RSU1: variants seen among roughly 807,000 people sequenced by gnomAD.
RSU1 encodes the protein Ras suppressor protein 1.
A neutral mutation model predicts 31.1 loss-of-function variants in RSU1; 26 were observed. The observed-to-expected ratio is 0.84, with a 90% CI of 0.61 to 1.16. The LOEUF is 1.16. RSU1 is among the 50% of genes most tolerant of loss of function. The probability of loss-of-function intolerance (pLI) is 0.00; values close to 1 mark genes in which losing one functional copy is unlikely to be tolerated. For synonymous variants in RSU1, 164 were observed against 136.3 expected (o/e 1.20, Z -1.41); for missense variants, 320 against 339.1 (o/e 0.94, Z 0.44).
chr10:16,724,919 A>C (rs1395267483), intron 7 of RSU1, among the ~76,000 whole-genome samples: 1 of 152,256 alleles, frequency 6.6e-6, no homozygotes, highest in South Asian at 2.1e-4. Context: ...AAGAAGCCAG[A>C]AAGCATACTG....
chr10:16,653,222 C>A (rs1222316208), intron 8 of RSU1, among the ~76,000 whole-genome samples: 2 of 152,172 alleles, frequency 1.3e-5, no homozygotes, highest in Non-Finnish European at 2.9e-5. Flanking sequence ...TTTTAATAAA[C>A]AAGTTTCTGT....
chr10:16,701,810 C>T (rs989213285), intron 7 of RSU1, among the ~76,000 whole-genome samples: 1 of 152,010 alleles, frequency 6.6e-6, no homozygotes, highest in East Asian at 1.9e-4. Context: ...ATCTGTGGTC[C>T]AGGTTAAGAA....
At chr10:16,813,085 C>A (rs1240240298) in intron 2 of RSU1, among the ~76,000 whole-genome samples, 1 of 151,962 alleles carries the variant, frequency 6.6e-6, no homozygotes, top group Non-Finnish European at 1.5e-5. Flanking sequence ...AATCCTCCCA[C>A]CGCAGCCTCC....
At chr10:16,798,571 C>T (rs980301536) in intron 2 of RSU1, among the ~76,000 whole-genome samples, 28 of 152,260 alleles carry the variant, frequency 1.8e-4, no homozygotes, top group African/African-American at 4.3e-4. Flanking sequence ...CTTTCCCTTC[C>T]GCCATGATTG....
intron 7 of RSU1, among the ~76,000 whole-genome samples, chr10:16,738,621 A>C (rs1221141082): frequency 1.3e-5 from 2 of 152,276 alleles, no homozygotes; most frequent in East Asian, 3.9e-4. Flanking sequence ...AATCAATCAA[A>C]GGGGGGAAAA....
At chr10:16,655,088 G>A (rs1409504614) in intron 8 of RSU1, among the ~76,000 whole-genome samples, 1 of 143,236 alleles carries the variant, frequency 7.0e-6, no homozygotes, top group Non-Finnish European at 1.5e-5. Flanking sequence ...GAGAGAGAGA[G>A]AGAGAAATGC....
intron 8 of RSU1, among the ~76,000 whole-genome samples, chr10:16,678,396 C>G (rs577029798): frequency 3.3e-5 from 5 of 152,150 alleles, no homozygotes; most frequent in Non-Finnish European, 7.4e-5. Flanking sequence ...ATGCATTAAG[C>G]GAGAAACCTT....
chr10:16,687,170 G>C (rs909970065), intron 8 of RSU1, among the ~76,000 whole-genome samples: 1 of 152,124 alleles, frequency 6.6e-6, no homozygotes, highest in Admixed American at 6.5e-5. Flanking sequence ...AGTAGGACAC[G>C]TATACAATGG....
chr10:16,655,928 A>G (rs983627831), intron 8 of RSU1, among the ~76,000 whole-genome samples: 6 of 152,138 alleles, frequency 3.9e-5, no homozygotes, highest in Admixed American at 2.0e-4. Flanking sequence ...TGGAGCTGAG[A>G]TATCTTTGAG....
chr10:16,782,034 T>C lies in RSU1; in HGVS notation c.160A>G (p.Met54Val). Residue 54 changes from methionine to valine, a missense_variant and splice_region_variant, in exon 3 of 9, where the codon ATG (methionine) becomes GTG (valine). By Grantham distance (21) the Met-to-Val change is conservative. Coordinates refer to ENST00000345264, the MANE Select transcript of RSU1 (RefSeq NM_012425.4). ...QLVLSHNKLT[M>V]VPPNIAELKN... The stretch of plus-strand genomic sequence containing the variant: ...GTAACAAATGAGAAACATCACTTAC[T>C]TGTTAGCTTGTTATGGCTGAGGACC... 6.2e-7 allele frequency: 1 copy of C among 1,613,082 alleles called. No individual in the cohort carries two copies. The highest frequency in any genetic ancestry group is 8.5e-7 in the Non-Finnish European group (1 of 1,179,394).
intron 8 of RSU1, among the ~76,000 whole-genome samples, chr10:16,651,209 G>T (rs920672564): frequency 2.6e-5 from 4 of 152,078 alleles, no homozygotes; most frequent in Admixed American, 2.6e-4. Flanking sequence ...GTCAAACAAG[G>T]CATACAGGAT....
chr10:16,772,248 G>C (rs1278899337), intron 3 of RSU1, among the ~76,000 whole-genome samples: 1 of 152,168 alleles, frequency 6.6e-6, no homozygotes, highest in East Asian at 1.9e-4. Flanking sequence ...ATGTTCCTGA[G>C]CTATAAAAAG....
At chr10:16,754,808 A>T (rs1363509211) in intron 5 of RSU1, 63 bp downstream of exon 5, 20 of 1,022,864 alleles carry the variant, frequency 2.0e-5, no homozygotes, top group Non-Finnish European at 2.8e-5. Context: ...CTGGCAAATA[A>T]ATTTCCCTCT....
At chr10:16,805,238 T>C (rs1389300780) in intron 2 of RSU1, among the ~76,000 whole-genome samples, 2 of 151,946 alleles carry the variant, frequency 1.3e-5, no homozygotes, top group Non-Finnish European at 2.9e-5. Flanking sequence ...CGCATCAATA[T>C]TGGTCCAGCA....
At chr10:16,813,104 T>C (rs1354783372) in intron 2 of RSU1, among the ~76,000 whole-genome samples, 1 of 152,022 alleles carries the variant, frequency 6.6e-6, no homozygotes, top group Non-Finnish European at 1.5e-5. Flanking sequence ...CCCTGAAAGC[T>C]GGGACTTGCA....
chr10:16,668,653 A>C (rs1430953687), intron 8 of RSU1, among the ~76,000 whole-genome samples: 1 of 152,164 alleles, frequency 6.6e-6, no homozygotes, highest in Non-Finnish European at 1.5e-5. Flanking sequence ...GTGCAGTCAC[A>C]AAGGTCCTCA....
At chr10:16,613,063 A>G (rs1833920531) in intron 8 of RSU1, among the ~76,000 whole-genome samples, 1 of 152,164 alleles carries the variant, frequency 6.6e-6, no homozygotes, top group African/African-American at 2.4e-5. Context: ...AACACCCAGA[A>G]TAATGTTTCC....
Position 16,752,575 on chromosome 10 carries a change from G to C in RSU1, c.562C>G (p.Gln188Glu). 6.2e-7 allele frequency: 1 copy of C among 1,614,122 alleles called. No individual in the cohort carries two copies. The change falls in exon 7 of 9, where the codon CAG (glutamine) becomes GAG (glutamate). Residue 188 changes from glutamine (Q) to glutamate (E), a missense_variant. By Grantham distance (29) the Gln-to-Glu change is conservative (BLOSUM62 2). Transcript: ENST00000345264. Reference sequence around the variant, plus strand: ...GGCAGAACGGTGAGGCGGTTCCCCTGAATGTGGAGCTCTTTAAGCTGGGTA... The same window carrying C: ...GGCAGAACGGTGAGGCGGTTCCCCTCAATGTGGAGCTCTTTAAGCTGGGTA... The part of the protein sequence containing the change: ...ELTQLKELHI[Q>E]GNRLTVLPPE...
At chr10:16,635,626 C>A (rs1834332664) in intron 8 of RSU1, among the ~76,000 whole-genome samples, 1 of 152,228 alleles carries the variant, frequency 6.6e-6, no homozygotes, top group African/African-American at 2.4e-5. Flanking sequence ...CTATCTCCTA[C>A]CTCATTGTCC....
Sources: allele counts gnomAD v4.1 joint callset (sites outside exome capture counted in the v4.1 genomes callset), GRCh38; gene constraint gnomAD v4.1.1; transcripts MANE v1.5; gene names NCBI Gene and HGNC (gene_info 2026-07-23, HGNC 2026-07-21).